GALM: variants seen among roughly 807,000 people sequenced by gnomAD.
GALM encodes galactose mutarotase.
GALM carries 43 observed loss-of-function variants against 37.4 expected under a neutral mutation model. That is an observed-to-expected ratio of 1.15 (90% CI 0.90 to 1.48). GALM has a LOEUF of 1.48. GALM is among the 40% of genes most tolerant of loss of function. The pLI, the probability that GALM is intolerant of heterozygous loss-of-function variation, is 0.00. For synonymous variants in GALM, 199 were observed against 170.6 expected (o/e 1.17, Z -1.30); for missense variants, 456 against 419.1 (o/e 1.09, Z -0.77).
Position 38,666,316 on chromosome 2 carries a change from C to A in GALM, c.155C>A (p.Ala52Asp), listed in dbSNP as rs781291813. 4 of 1,613,186 alleles carry A rather than the reference C, an allele frequency of 2.5e-6. No individual in the cohort carries two copies. The African/African-American group carries it at 5.3e-5, about 22-fold the overall frequency. Reference sequence around the variant, plus strand: ...GAGGTCAAAGACAGGCAGGGGAGAGCCTCGGACGTGGTGCTTGGCTTCGCC... The same window carrying A: ...GAGGTCAAAGACAGGCAGGGGAGAGACTCGGACGTGGTGCTTGGCTTCGCC... ...ALEVKDRQGR[A>D]SDVVLGFAEL... Residue 52 changes from alanine (A) to aspartate (D), a missense_variant, in exon 1 of 7, where the codon GCC becomes GAC. Transcript: ENST00000272252.
At chr2:38,714,411 C>T (rs1282475755) in intron 4 of GALM, among the ~76,000 whole-genome samples, 1 of 152,054 alleles carries the variant, frequency 6.6e-6, no homozygotes, top group Non-Finnish European at 1.5e-5. Context: ...GACAGGGTTT[C>T]ACCATGTTGG....
intron 3 of GALM, chr2:38,682,126 C>G (rs1665411543): frequency 4.1e-6 from 1 of 241,912 alleles, no homozygotes; most frequent in Admixed American, 4.0e-5. Flanking sequence ...ATCAACCCAG[C>G]AGAGGGATAA....
intron 3 of GALM, among the ~76,000 whole-genome samples, chr2:38,687,097 T>C (rs1165404549): frequency 6.6e-6 from 1 of 152,162 alleles, no homozygotes; most frequent in East Asian, 1.9e-4. Context: ...AGTGAACAAA[T>C]AGGGCCAAGG....
At chr2:38,677,665 T>A (rs770941093) in intron 2 of GALM, among the ~76,000 whole-genome samples, 1 of 152,152 alleles carries the variant, frequency 6.6e-6, no homozygotes, top group Non-Finnish European at 1.5e-5. Context: ...TGGTGTTGCT[T>A]AACTTATATT....
intron 1 of GALM, among the ~76,000 whole-genome samples, chr2:38,670,838 T>C (rs566179769): frequency 6.6e-5 from 10 of 152,374 alleles, no homozygotes; most frequent in Non-Finnish European, 1.5e-4. Flanking sequence ...TATCTGAGAT[T>C]ACTAAAGTGC....
At chr2:38,697,221 T>C (rs1034928376) in intron 4 of GALM, among the ~76,000 whole-genome samples, 2 of 152,310 alleles carry the variant, frequency 1.3e-5, no homozygotes, top group African/African-American at 4.8e-5. Flanking sequence ...ATAAGGCCTT[T>C]TGTCAGATCA....
chr2:38,709,011 G>C (rs1309374218), intron 4 of GALM, among the ~76,000 whole-genome samples: 1 of 152,200 alleles, frequency 6.6e-6, no homozygotes, highest in Non-Finnish European at 1.5e-5. Context: ...AAGGCAAATG[G>C]TGGGATGACC....
intron 4 of GALM, among the ~76,000 whole-genome samples, chr2:38,697,755 C>T (rs1665840611): frequency 6.6e-6 from 1 of 152,058 alleles, no homozygotes; most frequent in Admixed American, 6.6e-5. Context: ...GGCATTATCA[C>T]CTAGAAAGAA....
At chr2:38,722,040 A>ACCCCCCC (rs1178141610) in intron 4 of GALM, among the ~76,000 whole-genome samples, 1 of 53,436 alleles carries the variant, frequency 1.9e-5, no homozygotes, top group Admixed American at 3.1e-4. Flanking sequence ...TCCCCCCCCC[A>ACCCCCCC]CCCCCCCCCC....
chr2:38,698,519 A>C (rs959892783), intron 4 of GALM: 1 of 631,720 alleles, frequency 1.6e-6, no homozygotes, highest in Non-Finnish European at 2.3e-6. Flanking sequence ...TACTTAAAAA[A>C]AAAAAAAGGA....
At chr2:38,673,922 C>T (rs911903105) in intron 1 of GALM, among the ~76,000 whole-genome samples, 5 of 151,644 alleles carry the variant, frequency 3.3e-5, no homozygotes, top group East Asian at 1.9e-4. Context: ...GAACAATGTA[C>T]GATTATAGTG....
rs1665993546 is a variant in GALM, at chr2:38,704,378, T to A, written c.634+14484T>A. On this transcript the variant is annotated intron_variant, in intron 4 of 6. Coordinates refer to ENST00000272252, the MANE Select transcript of GALM (RefSeq NM_138801.3). ...TCATGCTCAGCTAATTTAAAAAATA[T>A]TTTTTTTGAGGCTGGGCACAGTGGT... 3.3e-5 allele frequency among the ~76,000 whole-genome samples: 5 copies of A among 151,628 alleles called. No homozygotes were observed. The South Asian group carries it at 1.0e-3, about 32-fold the overall frequency.
intron 4 of GALM, among the ~76,000 whole-genome samples, chr2:38,709,508 C>T (rs1666107981): frequency 6.6e-6 from 1 of 151,830 alleles, no homozygotes; most frequent in Non-Finnish European, 1.5e-5. Context: ...CAATACCCTC[C>T]CCCGTTGCAA....
At chr2:38,717,802 A>C (rs1666299695) in intron 4 of GALM, among the ~76,000 whole-genome samples, 1 of 150,314 alleles carries the variant, frequency 6.7e-6, no homozygotes, top group African/African-American at 2.5e-5. Flanking sequence ...GCTTGCATAG[A>C]TTTGTAAAGC....
At chr2:38,686,508 C>T (rs1293021303) in intron 3 of GALM, among the ~76,000 whole-genome samples, 5 of 151,906 alleles carry the variant, frequency 3.3e-5, no homozygotes, top group African/African-American at 7.3e-5. Context: ...TCGTGATCCA[C>T]CCACCTTGGC....
At chr2:38,731,709 C>T (rs746513228) in intron 5 of GALM, 26 bp from the exon 6 acceptor site, 3 of 1,599,942 alleles carry the variant, frequency 1.9e-6, no homozygotes, top group Non-Finnish European at 2.6e-6. Flanking sequence ...CTGCCCTGGA[C>T]TCATGTTGTT....
In GALM at chr2:38,706,059, G is replaced by A. The variant is rs576550572; in HGVS notation, c.634+16165G>A. 2.0e-5 allele frequency among the ~76,000 whole-genome samples: 3 copies of A among 151,980 alleles called. No individual in the cohort carries two copies. In the East Asian group the frequency reaches 5.9e-4, roughly 30 times the overall value. On this transcript the variant is annotated intron_variant, in intron 4 of 6. Transcript: ENST00000272252. ...CTCACTCTGTTGCCCAAGCTGGAGT[G>A]CAGTGACACGATTTTGGCTCACTGC...
chr2:38,687,520 G>C lies in GALM; in HGVS notation c.553-2293G>C, dbSNP rs570895484. 2.6e-5 allele frequency among the ~76,000 whole-genome samples: 4 copies of C among 151,950 alleles called. No homozygotes were observed. The South Asian group carries it at 8.3e-4, about 32-fold the overall frequency. ...AGGTCTGGAGTTCGAGACCAGCCTG[G>C]CCAACATGGTGAAACCCCATCTCTA... On this transcript the variant is annotated intron_variant, in intron 3 of 6. Transcript: ENST00000272252.
intron 3 of GALM, among the ~76,000 whole-genome samples, chr2:38,689,031 G>C (rs1665609705): frequency 1.3e-5 from 2 of 152,142 alleles, no homozygotes; most frequent in South Asian, 2.1e-4. Context: ...TTTTGGTCAG[G>C]CTGGTCTCGA....
Sources: allele counts gnomAD v4.1 joint callset (sites outside exome capture counted in the v4.1 genomes callset), GRCh38; gene constraint gnomAD v4.1.1; transcripts MANE v1.5; gene names NCBI Gene and HGNC (gene_info 2026-07-23, HGNC 2026-07-21).